Variants in DLGAP1 observed in about 807,000 individuals in gnomAD.
The protein encoded by DLGAP1 is DLG associated protein 1, also known as disks large-associated protein 1.
A neutral mutation model predicts 90.8 loss-of-function variants in DLGAP1; 11 were observed. That is an observed-to-expected ratio of 0.12 (90% confidence interval 0.08 to 0.20). The LOEUF is 0.20. Ranked by LOEUF, DLGAP1 falls within the 10% of genes least tolerant of loss-of-function variation. The probability of loss-of-function intolerance (pLI) is 1.00; values close to 1 mark genes in which losing one functional copy is unlikely to be tolerated. For missense variants in DLGAP1, 1,050 were observed against 1,333.8 expected, an observed-to-expected ratio of 0.79 and a Z score of 3.31; for synonymous variants, 558 against 540.7, an observed-to-expected ratio of 1.03 and a Z score of -0.44.
chr18:4,222,693 C>T lies in DLGAP1; in HGVS notation c.-266-71406G>A, dbSNP rs367829628. Among the ~76,000 whole-genome samples, 26 of 150,754 alleles carry T rather than the reference C, an allele frequency of 1.7e-4. 1 individual carries two copies. The East Asian group carries it at 3.3e-3, about 19-fold the overall frequency. Reference sequence around the variant, plus strand: ...TAAAAAAAATGAAGAGTTTGTTTTGCCAGTGGTGTTTCCCTATAGGGAATT... The same window carrying T: ...TAAAAAAAATGAAGAGTTTGTTTTGTCAGTGGTGTTTCCCTATAGGGAATT... On this transcript the variant is annotated intron_variant, in intron 1 of 12. Coordinates refer to ENST00000315677, the MANE Select transcript of DLGAP1 (RefSeq NM_004746.4).
intron 10 of DLGAP1, among the ~76,000 whole-genome samples, chr18:3,523,607 G>A (rs960675252): frequency 3.3e-5 from 5 of 152,066 alleles, no homozygotes; most frequent in East Asian, 3.9e-4. Context: ...CAGCACTTTG[G>A]GAGGCCAAGG....
intron 1 of DLGAP1, among the ~76,000 whole-genome samples, chr18:4,411,970 C>T (rs924430060): frequency 6.6e-6 from 1 of 152,110 alleles, no homozygotes; most frequent in African/African-American, 2.4e-5. Flanking sequence ...AAAATAAGCT[C>T]AATTTCTGGA....
intron 7 of DLGAP1, among the ~76,000 whole-genome samples, chr18:3,609,186 G>A (rs1359516215): frequency 6.6e-6 from 1 of 152,136 alleles, no homozygotes; most frequent in Non-Finnish European, 1.5e-5. Flanking sequence ...TGGGACTGCA[G>A]GTGTGCACCA....
intron 5 of DLGAP1, among the ~76,000 whole-genome samples, chr18:3,768,240 C>A (rs1229194590): frequency 2.6e-5 from 4 of 151,974 alleles, no homozygotes; most frequent in Non-Finnish European, 5.9e-5. Flanking sequence ...GTAAATCTAA[C>A]AAAATATGTT....
At chr18:3,874,411 G>A (rs960029946) in intron 4 of DLGAP1, 13 of 1,441,152 alleles carry the variant, frequency 9.0e-6, no homozygotes, top group Non-Finnish European at 1.2e-5. Context: ...TTTCTTTTAG[G>A]TTAACAGTTG....
chr18:3,520,621 G>A (rs554381253), intron 10 of DLGAP1, among the ~76,000 whole-genome samples: 1 of 152,294 alleles, frequency 6.6e-6, no homozygotes, highest in East Asian at 1.9e-4. Flanking sequence ...CAGGGAAAGG[G>A]TGGTGGACTG....
chr18:3,747,410 T>A (rs577594000), intron 5 of DLGAP1, among the ~76,000 whole-genome samples: 2 of 152,194 alleles, frequency 1.3e-5, no homozygotes, highest in African/African-American at 4.8e-5. Context: ...AGATCTTTTT[T>A]AGAAAAAGAG....
At chr18:4,274,824 A>G (rs924922631) in intron 1 of DLGAP1, among the ~76,000 whole-genome samples, 17 of 152,222 alleles carry the variant, frequency 1.1e-4, no homozygotes, top group African/African-American at 3.6e-4. Context: ...AAATAACTGC[A>G]TAAGTAATAT....
chr18:3,707,238 C>T (rs566979334), intron 7 of DLGAP1, among the ~76,000 whole-genome samples: 5 of 152,186 alleles, frequency 3.3e-5, no homozygotes, highest in African/African-American at 7.2e-5. Context: ...GGGAGAAAGA[C>T]GGTGGTGTGA....
chr18:3,559,584 C>T (rs188569348), intron 9 of DLGAP1, among the ~76,000 whole-genome samples: 1 of 149,938 alleles, frequency 6.7e-6, no homozygotes, highest in East Asian at 1.9e-4. Context: ...ACCCTAGAGC[C>T]CTAGAGTTTG....
At chr18:3,818,876 G>A (rs566656513) in intron 4 of DLGAP1, among the ~76,000 whole-genome samples, 18 of 151,902 alleles carry the variant, frequency 1.2e-4, no homozygotes, top group African/African-American at 4.3e-4. Context: ...TTACAGGGGT[G>A]AGCCACCGTG....
intron 1 of DLGAP1, among the ~76,000 whole-genome samples, chr18:4,193,497 A>C (rs1521436): frequency 0.059 from 9,030 of 152,226 alleles, 655 homozygotes; most frequent in East Asian, 0.2. Flanking sequence ...GGGGAAAAAA[A>C]CAGTCAAATG....
intron 9 of DLGAP1, among the ~76,000 whole-genome samples, chr18:3,551,722 C>CCCTTCCTA (rs2053474274): frequency 1.6e-4 from 2 of 12,538 alleles, no homozygotes; most frequent in African/African-American, 7.8e-4. Flanking sequence ...CTCCCTCCCT[C>CCCTTCCTA]CCTTCCTTCC....
chr18:4,055,194 T>C (rs2075195507), intron 2 of DLGAP1, among the ~76,000 whole-genome samples: 1 of 152,184 alleles, frequency 6.6e-6, no homozygotes, highest in Non-Finnish European at 1.5e-5. Context: ...TGGCAAGGGT[T>C]TCATCTGGAC....
intron 2 of DLGAP1, among the ~76,000 whole-genome samples, chr18:4,096,226 T>C (rs2075676364): frequency 6.6e-6 from 1 of 152,098 alleles, no homozygotes. Flanking sequence ...GGTTTCACCA[T>C]ATTGGCCAGG....
intron 4 of DLGAP1, among the ~76,000 whole-genome samples, chr18:3,854,958 G>A (rs2069547796): frequency 6.6e-6 from 1 of 152,148 alleles, no homozygotes; most frequent in South Asian, 2.1e-4. Flanking sequence ...GATACAATTT[G>A]TCAGATGAGA....
intron 5 of DLGAP1, among the ~76,000 whole-genome samples, chr18:3,768,204 C>T (rs140308640): frequency 1.1e-3 from 175 of 152,196 alleles, no homozygotes; most frequent in African/African-American, 4.1e-3. Flanking sequence ...CCATTTACAA[C>T]TGCTTAGAAA....
chr18:4,305,595 A>T (rs1232723949), intron 1 of DLGAP1, among the ~76,000 whole-genome samples: 2 of 152,010 alleles, frequency 1.3e-5, no homozygotes, highest in Non-Finnish European at 2.9e-5. Flanking sequence ...GTCCACGAAG[A>T]CACGACCTTT....
At chr18:3,961,087 G>A (rs749127362) in intron 3 of DLGAP1, among the ~76,000 whole-genome samples, 1 of 152,168 alleles carries the variant, frequency 6.6e-6, no homozygotes, top group Admixed American at 6.5e-5. Context: ...GTCGCCCTGG[G>A]CCGCTGGGGG....
Sources: gnomAD v4.1 joint callset for allele counts (sites outside exome capture counted in the v4.1 genomes callset) on GRCh38, gnomAD v4.1.1 for gene constraint, MANE v1.5 for transcripts, NCBI Gene and HGNC (gene_info 2026-07-23, HGNC 2026-07-21) for gene names.